The following CCDC69 variants were observed in gnomAD, a reference collection of about 807,000 sequenced individuals.
CCDC69 encodes the protein coiled-coil domain containing 69, also known as coiled-coil domain-containing protein 69.
In CCDC69, 38 loss-of-function variants were observed where a neutral mutation model predicts 40.3. The observed-to-expected ratio is 0.94, with a 90% CI of 0.73 to 1.24. CCDC69 has a LOEUF of 1.24. Among genes scored for constraint, CCDC69 ranks in the 50% most tolerant of loss-of-function variants. CCDC69 has a pLI of 0.00. For missense variants in CCDC69, 389 were observed against 357.9 expected (o/e 1.09, Z -0.70); for synonymous variants, 141 against 138.9 (o/e 1.02, Z -0.11).
Position 151,224,046 on chromosome 5 carries a change from C to G in CCDC69, c.-76G>C. On this transcript the variant is annotated 5_prime_UTR_variant, in exon 1 of 9. Coordinates refer to ENST00000355417, the MANE Select transcript of CCDC69 (RefSeq NM_015621.3). ...GGAGCCTGCGATCCGGGCCCCGCTG[C>G]CCGCTCCGCGCCCGCCGGCTGGGGC... 1 of 1,324,362 alleles carries G rather than the reference C, an allele frequency of 7.6e-7. No individual in the cohort carries two copies. Among genetic ancestry groups the G allele is most frequent in the East Asian group, 2.8e-5 (1 of 35,392 alleles). 82.0% of individuals were successfully genotyped at this position (1,324,362 alleles called of 1,614,324 possible).
intron 1 of CCDC69, chr5:151,215,660 T>C: frequency 2.5e-6 from 1 of 394,322 alleles, no homozygotes; most frequent in Non-Finnish European, 5.4e-6. Flanking sequence ...AGTGTAAGGG[T>C]GGTTGTAAAA....
In CCDC69 at chr5:151,186,091, C is replaced by A. The variant is rs1343447151; in HGVS notation, c.427G>T (p.Ala143Ser). The part of the protein sequence containing the change: ...TIDRLTSQLE[A>S]FQAKMKRVEE... ...ACCCTCTTCATTTTGGCCTGGAAAG[C>A]CTCCAGCTGTGAGGTCAGTCTGTCT... The change falls in exon 6 of 9, where the codon GCT becomes TCT. Residue 143 changes from alanine to serine, a missense_variant. Ala to Ser is a moderately conservative substitution (Grantham distance 99, BLOSUM62 1). Coordinates refer to ENST00000355417, the MANE Select transcript of CCDC69 (RefSeq NM_015621.3). The A allele has an allele frequency of 1.9e-6, 3 of 1,613,844 alleles. No homozygotes were observed. Among genetic ancestry groups the A allele is most frequent in the Non-Finnish European group, 2.5e-6 (3 of 1,179,924 alleles).
intron 4 of CCDC69, among the ~76,000 whole-genome samples, chr5:151,190,540 C>T (rs1370893874): frequency 6.6e-6 from 1 of 151,658 alleles, no homozygotes; most frequent in Non-Finnish European, 1.5e-5. Flanking sequence ...GTGGTGGGTG[C>T]CTGTAATTTC....
At chr5:151,188,269 A>T (rs1392849888) in intron 4 of CCDC69, among the ~76,000 whole-genome samples, 1 of 152,232 alleles carries the variant, frequency 6.6e-6, no homozygotes, top group Non-Finnish European at 1.5e-5. Context: ...ACAGGAAAGT[A>T]TAATACAGCC....
At chr5:151,212,968 G>C in intron 1 of CCDC69, 1 of 445,010 alleles carries the variant, frequency 2.2e-6, no homozygotes, top group East Asian at 7.0e-5. Flanking sequence ...GAAGAGGTTG[G>C]AGAGTCAAAC....
At chr5:151,211,984 C>G (rs1461483692) in intron 1 of CCDC69, among the ~76,000 whole-genome samples, 2 of 124,734 alleles carry the variant, frequency 1.6e-5, no homozygotes, top group South Asian at 5.7e-4. Flanking sequence ...ATGGAGCAGA[C>G]GGCACCTGCA....
At chr5:151,209,324 TG>T (rs1752896116) in intron 1 of CCDC69, among the ~76,000 whole-genome samples, 1 of 152,250 alleles carries the variant, frequency 6.6e-6, no homozygotes, top group Admixed American at 6.5e-5. Flanking sequence ...GCAGACCTCT[TG>T]GGCTGCCCCT....
At chr5:151,223,885 C>T (rs1397763501) in intron 1 of CCDC69, 38 bp downstream of exon 1, 7 of 1,588,000 alleles carry the variant, frequency 4.4e-6, no homozygotes, top group East Asian at 2.5e-5. Context: ...GCACTCCCCT[C>T]TCCTCTGAAA....
At chr5:151,189,987 G>T (rs1381447389) in intron 4 of CCDC69, among the ~76,000 whole-genome samples, 1 of 152,176 alleles carries the variant, frequency 6.6e-6, no homozygotes, top group Non-Finnish European at 1.5e-5. Context: ...AATCCCATAT[G>T]CAGTGAAAAT....
At chr5:151,198,400 T>C (rs62379735) in intron 4 of CCDC69, among the ~76,000 whole-genome samples, 46,251 of 151,870 alleles carry the variant, frequency 0.3, 7,397 homozygotes, top group African/African-American at 0.4. Flanking sequence ...TTTTTAATAG[T>C]GACAGCATCT....
intron 1 of CCDC69, among the ~76,000 whole-genome samples, chr5:151,221,388 C>T (rs1753132384): frequency 6.6e-6 from 1 of 152,242 alleles, no homozygotes; most frequent in South Asian, 2.1e-4. Context: ...GTAACTCCTG[C>T]CATACCTTCC....
intron 1 of CCDC69, among the ~76,000 whole-genome samples, chr5:151,216,832 G>C (rs188904754): frequency 2.0e-5 from 3 of 152,330 alleles, no homozygotes; most frequent in African/African-American, 7.2e-5. Flanking sequence ...CCAGAGTCAA[G>C]GTACAGACAG....
intron 1 of CCDC69, among the ~76,000 whole-genome samples, chr5:151,217,817 C>T (rs58707188): frequency 0.16 from 24,408 of 152,208 alleles, 2,083 homozygotes; most frequent in Middle Eastern, 0.24. Context: ...AATAATGTCG[C>T]ATTTACAGGT....
At chr5:151,216,968 T>C (rs1040058829) in intron 1 of CCDC69, among the ~76,000 whole-genome samples, 1 of 152,018 alleles carries the variant, frequency 6.6e-6, no homozygotes, top group Non-Finnish European at 1.5e-5. Flanking sequence ...GAAAGGCTGG[T>C]CAAACGATAC....
intron 4 of CCDC69, among the ~76,000 whole-genome samples, chr5:151,194,249 A>G (rs535678775): frequency 6.6e-6 from 1 of 152,256 alleles, no homozygotes; most frequent in Non-Finnish European, 1.5e-5. Flanking sequence ...AAGCCTGCAC[A>G]TGAATGTTAG....
intron 1 of CCDC69, among the ~76,000 whole-genome samples, chr5:151,223,220 C>A (rs537809665): frequency 5.9e-5 from 9 of 152,266 alleles, no homozygotes; most frequent in Non-Finnish European, 1.3e-4. Context: ...GTCCCCTGGG[C>A]CCTGACCCAG....
chr5:151,199,523 T>C (rs1407799154), intron 3 of CCDC69, among the ~76,000 whole-genome samples: 2 of 151,996 alleles, frequency 1.3e-5, no homozygotes, highest in Non-Finnish European at 2.9e-5. Context: ...TGGCCCATAT[T>C]CCCAACATTT....
chr5:151,183,757 G>A (rs150305031), intron 8 of CCDC69, 143 bp from the exon 9 acceptor site: 7,498 of 702,358 alleles, frequency 0.011, 78 homozygotes, highest in Middle Eastern at 0.042. Flanking sequence ...CTGTATACAA[G>A]AGGCAATTCA....
chr5:151,185,917 C>A (rs1752502142), intron 6 of CCDC69, 106 bp downstream of exon 6: 4 of 775,400 alleles, frequency 5.2e-6, no homozygotes, highest in Non-Finnish European at 6.9e-6. Flanking sequence ...GGTAAGAGTG[C>A]CAGGTCTGAG....
Sources: allele counts gnomAD v4.1 joint callset (sites outside exome capture counted in the v4.1 genomes callset), GRCh38; gene constraint gnomAD v4.1.1; transcripts MANE v1.5; gene names NCBI Gene and HGNC (gene_info 2026-07-23, HGNC 2026-07-21).